Variants in CHRM5 observed in about 807,000 individuals in gnomAD.
CHRM5 encodes cholinergic receptor muscarinic 5.
A neutral mutation model predicts 39.0 loss-of-function variants in CHRM5; 18 were observed. The observed-to-expected ratio is 0.46, with a 90% CI of 0.32 to 0.68. The LOEUF (loss-of-function observed/expected upper bound fraction) is 0.68, where lower values mean the gene tolerates loss of function less well. Ranked by LOEUF, CHRM5 falls within the 30% of genes least tolerant of loss-of-function variation. CHRM5 has a pLI of 0.04. For synonymous variants in CHRM5, 241 were observed against 246.3 expected (o/e 0.98, Z 0.20); for missense variants, 515 against 651.1 (o/e 0.79, Z 2.28).
chr15:33,986,859 A>T (rs916393317), intron 1 of CHRM5, among the ~76,000 whole-genome samples: 1 of 152,068 alleles, frequency 6.6e-6, no homozygotes, highest in Non-Finnish European at 1.5e-5. Flanking sequence ...GGGTTTCACC[A>T]TGTTAGCCAG....
At chr15:33,999,490 A>G (rs1897058311) in intron 1 of CHRM5, among the ~76,000 whole-genome samples, 1 of 152,186 alleles carries the variant, frequency 6.6e-6, no homozygotes, top group Non-Finnish European at 1.5e-5. Flanking sequence ...CACTTTTAAT[A>G]CATGCAACAC....
At chr15:34,035,618 A>G (rs1899078658) in intron 1 of CHRM5, among the ~76,000 whole-genome samples, 1 of 152,192 alleles carries the variant, frequency 6.6e-6, no homozygotes, top group Non-Finnish European at 1.5e-5. Context: ...CTCATCTTAT[A>G]TTAAGTACTC....
At chr15:33,998,593 C>A in intron 1 of CHRM5, among the ~76,000 whole-genome samples, 1 of 152,174 alleles carries the variant, frequency 6.6e-6, no homozygotes, top group East Asian at 1.9e-4. Flanking sequence ...AACATCTCTT[C>A]CCACATTCTT....
At chr15:34,002,934 T>C (rs1897193100) in intron 1 of CHRM5, 6 of 1,122,008 alleles carry the variant, frequency 5.3e-6, no homozygotes, top group Non-Finnish European at 7.6e-6. Context: ...GAACAAAGGA[T>C]AAATTGCTAG....
intron 2 of CHRM5, among the ~76,000 whole-genome samples, chr15:34,049,137 A>G (rs1899836306): frequency 1.3e-5 from 2 of 152,206 alleles, no homozygotes; most frequent in Non-Finnish European, 2.9e-5. Context: ...AAAAAGACAG[A>G]GTGCGTCTCT....
intron 2 of CHRM5, among the ~76,000 whole-genome samples, chr15:34,055,234 C>T (rs1036928019): frequency 2.0e-5 from 3 of 150,580 alleles, no homozygotes; most frequent in Admixed American, 6.6e-5. Context: ...CCCGGTAGCT[C>T]GCACCTGTAA....
chr15:34,020,112 C>A (rs1204249267), intron 1 of CHRM5, among the ~76,000 whole-genome samples: 2 of 152,024 alleles, frequency 1.3e-5, no homozygotes, highest in East Asian at 1.9e-4. Flanking sequence ...GAGATCGAGA[C>A]CATCTTGGCT....
chr15:33,983,210 A>ATGTATGTGTATATATATG (rs1896259804), intron 1 of CHRM5, among the ~76,000 whole-genome samples: 1 of 20,862 alleles, frequency 4.8e-5, no homozygotes, highest in Non-Finnish European at 9.7e-5. Flanking sequence ...GTATATATAT[A>ATGTATGTGTATATATATG]TATACATATA....
At chr15:33,991,770 G>C (rs1178300036) in intron 1 of CHRM5, 1 of 152,158 alleles carries the variant, frequency 6.6e-6, no homozygotes, top group Non-Finnish European at 1.5e-5. Context: ...ACAAGGAAGA[G>C]ATGTGGAAAT....
Position 34,066,228 on chromosome 15 carries a change from G to C in CHRM5, c.*1912G>C, listed in dbSNP as rs1900506485. Reference sequence around the variant, plus strand: ...AGCACAGAGGCTTTCGGGCCTCCGTGATGCCAACTGGGTGTGACTTCATGA... The same window carrying C: ...AGCACAGAGGCTTTCGGGCCTCCGTCATGCCAACTGGGTGTGACTTCATGA... On this transcript the variant is annotated 3_prime_UTR_variant, in exon 3 of 3. Coordinates refer to ENST00000383263, the MANE Select transcript of CHRM5 (RefSeq NM_012125.4). 6.6e-6 allele frequency: 1 copy of C among 152,254 alleles called. No homozygotes were observed. The highest frequency in any genetic ancestry group is 2.1e-4 in the South Asian group (1 of 4,834). 9.4% of individuals were successfully genotyped at this position (152,254 alleles called of 1,614,324 possible).
At chr15:34,018,805 T>C (rs997096861) in intron 1 of CHRM5, among the ~76,000 whole-genome samples, 3 of 152,212 alleles carry the variant, frequency 2.0e-5, no homozygotes, top group African/African-American at 7.2e-5. Context: ...TTGGTGCATT[T>C]ACAATCATTT....
chr15:34,003,184 G>A, intron 1 of CHRM5: 1 of 1,613,466 alleles, frequency 6.2e-7, no homozygotes, highest in Non-Finnish European at 8.5e-7. Flanking sequence ...TTCTCCATAG[G>A]TCTCTGCATC....
intron 1 of CHRM5, among the ~76,000 whole-genome samples, chr15:34,038,045 C>T (rs2140790912): frequency 6.6e-6 from 1 of 152,262 alleles, no homozygotes; most frequent in South Asian, 2.1e-4. Context: ...GCTCCAATCT[C>T]CAAAAACTTC....
chr15:34,011,782 T>G, intron 1 of CHRM5, among the ~76,000 whole-genome samples: 1 of 152,182 alleles, frequency 6.6e-6, no homozygotes, highest in Middle Eastern at 3.2e-3. Context: ...CGGCTAAAAC[T>G]GGAAGGCACA....
intron 1 of CHRM5, among the ~76,000 whole-genome samples, chr15:34,003,882 C>T (rs1897231984): frequency 6.6e-6 from 1 of 152,136 alleles, no homozygotes; most frequent in Non-Finnish European, 1.5e-5. Flanking sequence ...CAGAACCATC[C>T]AGATAGGTGA....
At chr15:34,035,499 A>G (rs998924617) in intron 1 of CHRM5, among the ~76,000 whole-genome samples, 3 of 152,196 alleles carry the variant, frequency 2.0e-5, no homozygotes, top group Non-Finnish European at 4.4e-5. Context: ...CAGGCTCTGG[A>G]GTGAAAATGC....
chr15:33,970,227 A>G (rs571458), intron 1 of CHRM5, among the ~76,000 whole-genome samples: 122,321 of 151,860 alleles, frequency 0.81, 54,253 homozygotes, highest in Non-Finnish European at 0.97. Flanking sequence ...ATTTCACTGA[A>G]TTCTTTCCTT....
intron 2 of CHRM5, among the ~76,000 whole-genome samples, chr15:34,061,355 T>C (rs996530418): frequency 3.3e-5 from 5 of 152,202 alleles, no homozygotes; most frequent in African/African-American, 9.6e-5. Flanking sequence ...TTAAGTGGAA[T>C]AATGTACAGT....
At chr15:34,008,735 G>A (rs564698182) in intron 1 of CHRM5, among the ~76,000 whole-genome samples, 2 of 152,032 alleles carry the variant, frequency 1.3e-5, no homozygotes, top group East Asian at 2.0e-4. Context: ...TGATCTGCCC[G>A]CTTCAGCCTC....
Sources: gnomAD v4.1 joint callset for allele counts (sites outside exome capture counted in the v4.1 genomes callset) on GRCh38, gnomAD v4.1.1 for gene constraint, MANE v1.5 for transcripts, NCBI Gene and HGNC (gene_info 2026-07-23, HGNC 2026-07-21) for gene names.